The following MMP2 variants were observed in gnomAD, a reference collection of about 807,000 sequenced individuals.
MMP2 encodes the protein 72 kDa type IV collagenase.
Under a neutral mutation model 74.8 loss-of-function variants are expected in MMP2, and 39 were observed. The observed-to-expected ratio is 0.52, with a 90% CI of 0.40 to 0.68. The LOEUF (loss-of-function observed/expected upper bound fraction) is 0.68. Among genes scored for constraint, MMP2 ranks in the 30% least tolerant of loss-of-function variants. The pLI is 0.00. For synonymous variants in MMP2, 367 were observed against 339.8 expected (o/e 1.08, Z -0.88); for missense variants, 803 against 878.3 (o/e 0.91, Z 1.08).
intron 11 of MMP2, among the ~76,000 whole-genome samples, chr16:55,499,408 A>G (rs1962611328): frequency 6.6e-6 from 1 of 152,198 alleles, no homozygotes; most frequent in Non-Finnish European, 1.5e-5. Flanking sequence ...AGTCATCCAT[A>G]GAAGCCAGCA....
chr16:55,497,468 ATTGG>A (rs1962558775), intron 10 of MMP2, among the ~76,000 whole-genome samples: 1 of 152,344 alleles, frequency 6.6e-6, no homozygotes, highest in Admixed American at 6.5e-5. Context: ...TTAGACATAA[ATTGG>A]TTTTAACAGA....
chr16:55,484,824 G>A (rs1962200824), intron 3 of MMP2, among the ~76,000 whole-genome samples: 1 of 152,212 alleles, frequency 6.6e-6, no homozygotes, highest in South Asian at 2.1e-4. Flanking sequence ...GGGAAACAAT[G>A]TAGACAAGTG....
chr16:55,478,922 C>G (rs143709697), upstream of MMP2: 1 of 152,514 alleles, frequency 6.6e-6, no homozygotes, highest in Non-Finnish European at 1.5e-5. Flanking sequence ...ACAGATGTTT[C>G]CCAGCAGGGG....
At chr16:55,481,917 T>C in intron 1 of MMP2, 2 of 691,734 alleles carry the variant, frequency 2.9e-6, no homozygotes, top group Admixed American at 2.1e-5. Flanking sequence ...TTCTATTATA[T>C]TATTATTATT....
At position 55,481,923 on chromosome 16, in the gene MMP2, T is replaced by C. The variant is rs745344811; in HGVS notation, c.154-986T>C. The C allele has an allele frequency of 1.5e-5, 10 of 683,684 alleles. No homozygotes were observed. In the South Asian group the frequency reaches 1.7e-4, roughly 12 times the overall value. 42.4% of individuals were successfully genotyped at this position (683,684 alleles called of 1,614,324 possible). The stretch of plus-strand genomic sequence containing the variant: ...TAGCCATTATTCTATTATATTATTA[T>C]TATTGTTATGTCCTCCATTTCCCCT... On this transcript the variant is annotated intron_variant, in intron 1 of 12. Coordinates refer to ENST00000219070, the MANE Select transcript of MMP2 (RefSeq NM_004530.6).
Position 55,505,634 on chromosome 16 carries a change from C to T in MMP2, c.*192C>T. The T allele has an allele frequency of 1.6e-6, 1 of 624,068 alleles. No individual in the cohort carries two copies. The highest frequency in any genetic ancestry group is 2.9e-6 in the Non-Finnish European group (1 of 348,394). The allele number at this position is 624,068 out of a possible 1,614,324, so 38.7% of individuals were successfully genotyped here. A position where few individuals can be genotyped will look rare whatever the true frequency, so the allele number is the denominator to read the frequency against. On this transcript the variant is annotated 3_prime_UTR_variant, in exon 13 of 13. Coordinates refer to ENST00000219070, the MANE Select transcript of MMP2 (RefSeq NM_004530.6). ...CCCGGTGCCCAAGAATAGATGCTGA[C>T]TGTACTCCTCCCAGGCGCCCCTTCC...
At chr16:55,491,672 T>C (rs1962407974) in intron 7 of MMP2, 129 bp from the exon 8 acceptor site, 4 of 1,079,060 alleles carry the variant, frequency 3.7e-6, no homozygotes, top group Non-Finnish European at 5.7e-6. Context: ...AATCAATACA[T>C]GCCGCTTCCA....
intron 12 of MMP2, among the ~76,000 whole-genome samples, chr16:55,503,645 C>T (rs775046817): frequency 3.3e-5 from 5 of 152,084 alleles, no homozygotes; most frequent in Non-Finnish European, 7.4e-5. Context: ...ATCTATTGAG[C>T]ACCTACTACA....
At chr16:55,500,865 C>T (rs1962652185) in intron 11 of MMP2, among the ~76,000 whole-genome samples, 1 of 152,210 alleles carries the variant, frequency 6.6e-6, no homozygotes, top group Non-Finnish European at 1.5e-5. Flanking sequence ...AGAGGCTGAG[C>T]AGCTGTCTTC....
intron 10 of MMP2, 44 bp from the exon 11 acceptor site, chr16:55,498,245 G>C: frequency 6.2e-7 from 1 of 1,611,214 alleles, no homozygotes; most frequent in Non-Finnish European, 8.5e-7. Flanking sequence ...GGCTGGCCTA[G>C]GGCATGTCAG....
chr16:55,481,089 G>C (rs1274696780), intron 1 of MMP2, among the ~76,000 whole-genome samples: 1 of 152,170 alleles, frequency 6.6e-6, no homozygotes, highest in Non-Finnish European at 1.5e-5. Flanking sequence ...ACAGAGTAAA[G>C]TGAAAACAAA....
chr16:55,488,408 C>G, intron 5 of MMP2, 135 bp from the exon 6 acceptor site: 2 of 893,112 alleles, frequency 2.2e-6, no homozygotes, highest in South Asian at 1.5e-5. Context: ...CCTTACCAAC[C>G]AGTAGAGATG....
chr16:55,499,934 A>G (rs1432430760), intron 11 of MMP2, among the ~76,000 whole-genome samples: 1 of 151,970 alleles, frequency 6.6e-6, no homozygotes, highest in Non-Finnish European at 1.5e-5. Flanking sequence ...TTTAGAGGGC[A>G]CTTCCTGAGG....
intron 3 of MMP2, among the ~76,000 whole-genome samples, chr16:55,484,649 T>C (rs756671226): frequency 2.2e-4 from 34 of 152,134 alleles, no homozygotes; most frequent in Admixed American, 2.0e-4. Context: ...TGTAGATATA[T>C]GAGAGTGGTT....
chr16:55,491,666 A>G lies in MMP2; in HGVS notation c.1181-135A>G, dbSNP rs1407905458. On this transcript the variant is annotated intron_variant, in intron 7 of 12. Coordinates refer to ENST00000219070, the MANE Select transcript of MMP2 (RefSeq NM_004530.6). ...TTCTCAGGAAAAGAAAAAAAAAATC[A>G]ATACATGCCGCTTCCAGGGTTCTCA... 34 of 1,023,956 alleles carry G rather than the reference A, an allele frequency of 3.3e-5. No homozygotes were observed. The South Asian group carries it at 4.7e-4, about 14-fold the overall frequency. The allele number at this position is 1,023,956 out of a possible 1,614,324, so 63.4% of individuals were successfully genotyped here.
chr16:55,479,530 C>G lies in MMP2; in HGVS notation c.51C>G (p.Leu17=). 2 of 1,609,554 alleles carry G rather than the reference C, an allele frequency of 1.2e-6. No homozygotes were observed. Among genetic ancestry groups the G allele is most frequent in the East Asian group, 2.2e-5 (1 of 44,698 alleles). The change falls in exon 1 of 13, where the codon CTC becomes CTG. Residue 17 remains leucine (L), a synonymous_variant. Coordinates refer to ENST00000219070, the MANE Select transcript of MMP2 (RefSeq NM_004530.6). The stretch of plus-strand genomic sequence containing the variant: ...CGCTCACGGGTCCCCTGAGGGCGCT[C>G]TGTCTCCTGGGCTGCCTGCTGAGCC... ...RGALTGPLRA[L]CLLGCLLSHA... is the part of the protein sequence containing the mutation.
chr16:55,498,599 C>T lies in MMP2; in HGVS notation c.1769+151C>T, dbSNP rs1476065611. 3.8e-5 allele frequency: 36 copies of T among 955,886 alleles called. No homozygotes were observed. In the Admixed American group the frequency reaches 4.7e-4, roughly 13 times the overall value. 59.2% of individuals were successfully genotyped at this position (955,886 alleles called of 1,614,324 possible). A position where few individuals can be genotyped will look rare whatever the true frequency, so the allele number is the denominator to read the frequency against. The stretch of plus-strand genomic sequence containing the variant: ...TATCTAACCTCTTTGGTCTCTGGCA[C>T]CTCTGAGATGTTGCCAAAGGTGAAC... On this transcript the variant is annotated intron_variant, in intron 11 of 12. Coordinates refer to ENST00000219070, the MANE Select transcript of MMP2 (RefSeq NM_004530.6).
intron 1 of MMP2, chr16:55,481,717 G>T (rs1962107809): frequency 1.6e-6 from 1 of 634,042 alleles, no homozygotes; most frequent in South Asian, 2.0e-5. Flanking sequence ...GATAACTCTG[G>T]ACTTAGACCG....
At chr16:55,489,473 A>G (rs571693544) in intron 6 of MMP2, among the ~76,000 whole-genome samples, 178 bp from the exon 7 acceptor site, 2 of 152,312 alleles carry the variant, frequency 1.3e-5, no homozygotes, top group East Asian at 1.9e-4. Flanking sequence ...ACGCGGTGCT[A>G]TTCAGTCCCT....
Sources: gnomAD v4.1 joint callset for allele counts (sites outside exome capture counted in the v4.1 genomes callset) on GRCh38, gnomAD v4.1.1 for gene constraint, MANE v1.5 for transcripts, NCBI Gene and HGNC (gene_info 2026-07-23, HGNC 2026-07-21) for gene names.